Variants in CDH6 observed in about 807,000 individuals in gnomAD.
CDH6 encodes cadherin-6.
Under a neutral mutation model 78.0 loss-of-function variants are expected in CDH6, and 31 were observed. That is an observed-to-expected ratio of 0.40 (90% confidence interval 0.30 to 0.54). The LOEUF is 0.54. Among genes scored for constraint, CDH6 ranks in the 20% least tolerant of loss-of-function variants. CDH6 has a pLI of 0.56. For synonymous variants in CDH6, 376 were observed against 368.8 expected, an observed-to-expected ratio of 1.02 and a Z score of -0.23; for missense variants, 724 against 975.9, an observed-to-expected ratio of 0.74 and a Z score of 3.44.
At chr5:31,314,460 T>G (rs1056245995) in intron 8 of CDH6, among the ~76,000 whole-genome samples, 4 of 151,792 alleles carry the variant, frequency 2.6e-5, no homozygotes, top group Admixed American at 6.6e-5. Flanking sequence ...CCATATCGAA[T>G]AGTTTATTAC....
rs141400230 is a variant in CDH6 at position 31,298,651 on chromosome 5, G to T, written c.644-813G>T. Among the ~76,000 whole-genome samples the T allele has an allele frequency of 8.4e-3, 1,284 of 152,296 alleles. 11 individuals carry two copies. Among genetic ancestry groups the T allele is most frequent in the Admixed American group, 0.014 (213 of 15,286 alleles). On this transcript the variant is annotated intron_variant, in intron 4 of 11. Coordinates refer to ENST00000265071, the MANE Select transcript of CDH6 (RefSeq NM_004932.4). ...GCAGAAGGTTATAAAGGCTTCTCCA[G>T]TGAAATTTGAAAGAAAGTTAATTTA...
chr5:31,328,756 A>G lies in CDH6; in HGVS notation c.*5448A>G, dbSNP rs548227536. On this transcript the variant is annotated 3_prime_UTR_variant, in exon 12 of 12. Coordinates refer to ENST00000265071, the MANE Select transcript of CDH6 (RefSeq NM_004932.4). ...TGAAGATTTACTGGCGGGAATGCTC[A>G]CTCTTGTCGTTTTCCTCAGTATCGT... 4.6e-4 allele frequency: 99 copies of G among 217,006 alleles called. No individual in the cohort carries two copies. Among genetic ancestry groups the G allele is most frequent in the African/African-American group, 2.1e-3 (92 of 44,508 alleles). The allele number at this position is 217,006 out of a possible 1,614,324, so 13.4% of individuals were successfully genotyped here.
chr5:31,274,606 G>A (rs1742636704), intron 2 of CDH6, among the ~76,000 whole-genome samples: 1 of 152,230 alleles, frequency 6.6e-6, no homozygotes, highest in Non-Finnish European at 1.5e-5. Flanking sequence ...TATCACTTGA[G>A]GTCAGGAATT....
chr5:31,311,409 T>C (rs1191170433), intron 7 of CDH6, among the ~76,000 whole-genome samples: 3 of 152,188 alleles, frequency 2.0e-5, no homozygotes, highest in Non-Finnish European at 2.9e-5. Flanking sequence ...TTTCAACAAG[T>C]CTCTAGGAAG....
chr5:31,289,370 G>A (rs539375094), intron 2 of CDH6, among the ~76,000 whole-genome samples: 2 of 152,244 alleles, frequency 1.3e-5, no homozygotes, highest in African/African-American at 4.8e-5. Flanking sequence ...CCAGTCAACT[G>A]TTGGTGAACA....
chr5:31,268,359 A>G (rs1742419729), intron 2 of CDH6, among the ~76,000 whole-genome samples: 3 of 152,236 alleles, frequency 2.0e-5, no homozygotes, highest in Admixed American at 1.3e-4. Context: ...TCCAAATATC[A>G]TCTGACCATT....
intron 1 of CDH6, among the ~76,000 whole-genome samples, chr5:31,206,912 G>T (rs190539791): frequency 1.3e-5 from 2 of 151,726 alleles, no homozygotes; most frequent in African/African-American, 2.4e-5. Context: ...GCTTAACATG[G>T]TTTTATATTT....
intron 2 of CDH6, among the ~76,000 whole-genome samples, chr5:31,283,339 T>G (rs1398463325): frequency 6.6e-6 from 1 of 152,170 alleles, no homozygotes; most frequent in African/African-American, 2.4e-5. Context: ...CAGAACTAAA[T>G]GTAAAAACAC....
intron 1 of CDH6, among the ~76,000 whole-genome samples, chr5:31,239,065 A>C (rs1461091715): frequency 6.6e-6 from 1 of 152,208 alleles, no homozygotes; most frequent in Non-Finnish European, 1.5e-5. Context: ...CATCTATTTC[A>C]ATGTATCGTG....
At position 31,288,786 on chromosome 5, in the gene CDH6, C is replaced by T. The variant is rs1439977287; in HGVS notation, c.229-5176C>T. ...GCTCAGATTAGCAACCATAACATTTCTTAAAGAGCAACATTACATTTGCAC... is the reference window on the plus strand; with the variant it reads ...GCTCAGATTAGCAACCATAACATTTTTTAAAGAGCAACATTACATTTGCAC... On this transcript the variant is annotated intron_variant, in intron 2 of 11. Coordinates refer to ENST00000265071, the MANE Select transcript of CDH6 (RefSeq NM_004932.4). 3.3e-5 allele frequency among the ~76,000 whole-genome samples: 5 copies of T among 152,344 alleles called. No homozygotes were observed. In the East Asian group the frequency reaches 9.6e-4, roughly 29 times the overall value.
At chr5:31,302,798 G>GAGAGAGAAAGAAAGAA (rs1282911479) in intron 6 of CDH6, among the ~76,000 whole-genome samples, 3 of 36,598 alleles carry the variant, frequency 8.2e-5, no homozygotes, top group Non-Finnish European at 1.6e-4. Context: ...GAGAGAGAGA[G>GAGAGAGAAAGAAAGAA]AGAAAGAAAG....
At chr5:31,217,159 T>C (rs1309779332) in intron 1 of CDH6, among the ~76,000 whole-genome samples, 1 of 152,204 alleles carries the variant, frequency 6.6e-6, no homozygotes, top group Non-Finnish European at 1.5e-5. Context: ...CACATAATCT[T>C]TGTCTCTCTT....
intron 1 of CDH6, among the ~76,000 whole-genome samples, chr5:31,194,829 C>A (rs926263057): frequency 6.6e-6 from 1 of 152,148 alleles, no homozygotes; most frequent in Non-Finnish European, 1.5e-5. Context: ...AGTTGCAGAG[C>A]TGAGATTACT....
chr5:31,320,528 T>C (rs1738453134), intron 11 of CDH6, among the ~76,000 whole-genome samples: 1 of 152,158 alleles, frequency 6.6e-6, no homozygotes. Context: ...TCCCAATGGA[T>C]GTCCTTACTT....
chr5:31,260,426 A>C (rs1742182725), intron 1 of CDH6, among the ~76,000 whole-genome samples: 1 of 152,164 alleles, frequency 6.6e-6, no homozygotes, highest in South Asian at 2.1e-4. Context: ...TTGCCCCCAC[A>C]TGTGGTAGAA....
At chr5:31,208,910 T>C (rs569377380) in intron 1 of CDH6, among the ~76,000 whole-genome samples, 1 of 152,328 alleles carries the variant, frequency 6.6e-6, no homozygotes, top group Non-Finnish European at 1.5e-5. Flanking sequence ...CCAATTTCAT[T>C]CCTCAAGTGG....
intron 2 of CDH6, among the ~76,000 whole-genome samples, chr5:31,278,751 C>T (rs989148101): frequency 6.6e-6 from 1 of 152,044 alleles, no homozygotes; most frequent in Non-Finnish European, 1.5e-5. Context: ...AACTATATAT[C>T]TTTTAATCAA....
At chr5:31,235,024 C>T (rs1485975061) in intron 1 of CDH6, among the ~76,000 whole-genome samples, 1 of 152,054 alleles carries the variant, frequency 6.6e-6, no homozygotes, top group Non-Finnish European at 1.5e-5. Flanking sequence ...CCATACTGTA[C>T]TCAATATCAT....
chr5:31,226,493 T>C (rs1741153859), intron 1 of CDH6, among the ~76,000 whole-genome samples: 1 of 152,174 alleles, frequency 6.6e-6, no homozygotes, highest in South Asian at 2.1e-4. Context: ...TTATTTCTGA[T>C]GGCATACAAG....
Sources: allele counts gnomAD v4.1 joint callset (sites outside exome capture counted in the v4.1 genomes callset), GRCh38; gene constraint gnomAD v4.1.1; transcripts MANE v1.5; gene names NCBI Gene and HGNC (gene_info 2026-07-23, HGNC 2026-07-21).